AFF3: variants seen among roughly 807,000 people sequenced by gnomAD.
AFF3 encodes AF4/FMR2 family member 3.
In AFF3, 32 loss-of-function variants were observed where a neutral mutation model predicts 129.7. That is an observed-to-expected ratio of 0.25 (90% CI 0.19 to 0.33). The LOEUF (loss-of-function observed/expected upper bound fraction) is 0.33. AFF3 is among the 10% of genes least tolerant of loss of function. The pLI is 1.00. For synonymous variants in AFF3, 644 were observed against 635.4 expected (o/e 1.01, Z -0.20); for missense variants, 1,373 against 1,592.0 (o/e 0.86, Z 2.34).
chr2:99,888,058 C>A (rs1259515318), intron 7 of AFF3, among the ~76,000 whole-genome samples: 1 of 152,196 alleles, frequency 6.6e-6, no homozygotes, highest in African/African-American at 2.4e-5. Context: ...GAAACGCTGT[C>A]ATAGTCAAAA....
At chr2:100,096,033 C>T (rs1249010108) in intron 4 of AFF3, among the ~76,000 whole-genome samples, 1 of 152,028 alleles carries the variant, frequency 6.6e-6, no homozygotes, top group Non-Finnish European at 1.5e-5. Flanking sequence ...GCTATGGCCA[C>T]GGGGTAGTGC....
intron 7 of AFF3, among the ~76,000 whole-genome samples, chr2:99,979,623 CA>C (rs1679209476): frequency 6.6e-6 from 1 of 151,934 alleles, no homozygotes; most frequent in African/African-American, 2.4e-5. Context: ...GGATTACAGA[CA>C]TGCACCACCA....
intron 12 of AFF3, among the ~76,000 whole-genome samples, chr2:99,657,297 C>A (rs1260598749): frequency 1.3e-5 from 2 of 152,218 alleles, no homozygotes; most frequent in Non-Finnish European, 2.9e-5. Context: ...GTCTAGCTCA[C>A]CCTTTGTGTT....
intron 4 of AFF3, among the ~76,000 whole-genome samples, chr2:100,045,307 C>T (rs946555616): frequency 2.6e-5 from 4 of 152,166 alleles, no homozygotes; most frequent in African/African-American, 9.7e-5. Flanking sequence ...TGTTCACCGG[C>T]GCTCTTTTCT....
chr2:99,554,871 C>A, intron 22 of AFF3, 139 bp from the exon 23 acceptor site: 1 of 901,062 alleles, frequency 1.1e-6, no homozygotes. Flanking sequence ...GAAACTGGAC[C>A]TGGGAAGTCT....
chr2:99,773,161 T>A (rs1181614982), intron 8 of AFF3, among the ~76,000 whole-genome samples: 1 of 152,232 alleles, frequency 6.6e-6, no homozygotes, highest in Non-Finnish European at 1.5e-5. Flanking sequence ...CTTAAGTTCC[T>A]TTCTCTAAAT....
At chr2:99,919,388 C>G (rs764158607) in intron 7 of AFF3, among the ~76,000 whole-genome samples, 1 of 151,894 alleles carries the variant, frequency 6.6e-6, no homozygotes, top group Non-Finnish European at 1.5e-5. Flanking sequence ...GTTAGTTTGC[C>G]AGTTCTAGAA....
At chr2:99,584,946 C>G (rs148621855) in intron 16 of AFF3, among the ~76,000 whole-genome samples, 13 of 152,282 alleles carry the variant, frequency 8.5e-5, no homozygotes, top group African/African-American at 3.1e-4. Flanking sequence ...AATGACAAAA[C>G]CAAGGTTCTG....
chr2:99,838,991 CAT>C (rs561633732), intron 7 of AFF3, among the ~76,000 whole-genome samples: 75 of 147,700 alleles, frequency 5.1e-4, no homozygotes, highest in African/African-American at 1.8e-3. Context: ...AGGTCACACA[CAT>C]GATTGAGACC....
Position 99,579,245 on chromosome 2 carries a change from A to G in AFF3, c.2794-794T>C, listed in dbSNP as rs560418260. 3.3e-5 allele frequency among the ~76,000 whole-genome samples: 5 copies of G among 151,616 alleles called. No homozygotes were observed. In the East Asian group the frequency reaches 9.7e-4, roughly 30 times the overall value. ...ACATGGTGAAACTCCGTCTCTACTA[A>G]AAATACAAAATTAGCTAGACGTGGT... On this transcript the variant is annotated intron_variant, in intron 17 of 24. Coordinates refer to ENST00000672756, the MANE Select transcript of AFF3 (RefSeq NM_001386135.1).
At chr2:99,588,405 T>C (rs1678337419) in intron 15 of AFF3, among the ~76,000 whole-genome samples, 1 of 152,176 alleles carries the variant, frequency 6.6e-6, no homozygotes, top group South Asian at 2.1e-4. Flanking sequence ...CTCAAACTCC[T>C]GGGCTCAAGC....
At chr2:99,619,736 T>A (rs1353913160) in intron 13 of AFF3, among the ~76,000 whole-genome samples, 3 of 152,158 alleles carry the variant, frequency 2.0e-5, no homozygotes, top group Non-Finnish European at 2.9e-5. Flanking sequence ...GCCTCACTCC[T>A]CTGATGGCTG....
At chr2:99,998,794 T>C (rs564866366) in intron 7 of AFF3, among the ~76,000 whole-genome samples, 5 of 152,104 alleles carry the variant, frequency 3.3e-5, no homozygotes, top group Non-Finnish European at 7.4e-5. Context: ...AGAAACAGGA[T>C]TGGTAAAGTA....
chr2:99,997,237 C>T (rs1680928764), intron 7 of AFF3, among the ~76,000 whole-genome samples: 1 of 152,214 alleles, frequency 6.6e-6, no homozygotes, highest in Admixed American at 6.5e-5. Flanking sequence ...AACTCAAACT[C>T]AATAAGCCCA....
At chr2:99,808,260 A>G (rs1209580763) in intron 8 of AFF3, among the ~76,000 whole-genome samples, 4 of 152,240 alleles carry the variant, frequency 2.6e-5, no homozygotes, top group Admixed American at 2.0e-4. Context: ...GGAAACAAGA[A>G]CAAGAACAAG....
intron 15 of AFF3, 67 bp from the exon 16 acceptor site, chr2:99,587,345 C>A (rs1171540540): frequency 3.2e-6 from 5 of 1,586,520 alleles, no homozygotes; most frequent in East Asian, 2.3e-5. Flanking sequence ...TCCCAGGCAC[C>A]GACTTCCACA....
intron 1 of AFF3, among the ~76,000 whole-genome samples, chr2:100,131,819 T>G (rs906025844): frequency 3.3e-5 from 5 of 152,226 alleles, no homozygotes; most frequent in Admixed American, 6.5e-5. Flanking sequence ...AGCTAATGTT[T>G]GTTGAGCACC....
At chr2:99,620,368 C>T (rs1245289996) in intron 13 of AFF3, among the ~76,000 whole-genome samples, 3 of 152,174 alleles carry the variant, frequency 2.0e-5, no homozygotes, top group African/African-American at 4.8e-5. Flanking sequence ...GTGACTCACA[C>T]CTGTATTCCC....
chr2:100,070,211 T>TAA (rs11320849), intron 4 of AFF3, among the ~76,000 whole-genome samples: 1 of 149,518 alleles, frequency 6.7e-6, no homozygotes, highest in Non-Finnish European at 1.5e-5. Flanking sequence ...GGTGGTTTTA[T>TAA]AAAAAAAAAA....
Sources: allele counts gnomAD v4.1 joint callset (sites outside exome capture counted in the v4.1 genomes callset), GRCh38; gene constraint gnomAD v4.1.1; transcripts MANE v1.5; gene names NCBI Gene and HGNC (gene_info 2026-07-23, HGNC 2026-07-21).